The following TRIM2 variants were observed in gnomAD, a reference collection of about 807,000 sequenced individuals.
TRIM2 encodes the protein tripartite motif containing 2.
In TRIM2, 20 loss-of-function variants were observed where a neutral mutation model predicts 75.2. The observed-to-expected ratio is 0.27, with a 90% CI of 0.19 to 0.39. TRIM2 has a LOEUF of 0.39. TRIM2 is among the 10% of genes least tolerant of loss of function. TRIM2 has a pLI of 1.00. For missense variants in TRIM2, 660 were observed against 990.8 expected, an observed-to-expected ratio of 0.67 and a Z score of 4.48; for synonymous variants, 373 against 388.3, an observed-to-expected ratio of 0.96 and a Z score of 0.46.
chr4:153,317,535 G>T (rs1315027126), intron 8 of TRIM2, among the ~76,000 whole-genome samples: 1 of 151,866 alleles, frequency 6.6e-6, no homozygotes, highest in African/African-American at 2.4e-5. Context: ...TGTAGTCCCA[G>T]CTGCTGGGGA....
At chr4:153,253,531 C>A (rs774542071) in intron 1 of TRIM2, among the ~76,000 whole-genome samples, 1 of 152,204 alleles carries the variant, frequency 6.6e-6, no homozygotes, top group Non-Finnish European at 1.5e-5. Context: ...GGTGTTTGAA[C>A]CTGAGCAACT....
At chr4:153,196,748 C>T (rs1036943820) in intron 1 of TRIM2, among the ~76,000 whole-genome samples, 3 of 152,188 alleles carry the variant, frequency 2.0e-5, no homozygotes, top group Non-Finnish European at 2.9e-5. Flanking sequence ...GTGAGAAAGT[C>T]TTTGCATGGG....
intron 1 of TRIM2, among the ~76,000 whole-genome samples, chr4:153,181,858 T>C (rs902575607): frequency 2.6e-5 from 4 of 152,090 alleles, no homozygotes; most frequent in Non-Finnish European, 5.9e-5. Flanking sequence ...GGGGGCTGTG[T>C]GCCAGGGCGG....
At chr4:153,189,430 T>C (rs898841793) in intron 1 of TRIM2, among the ~76,000 whole-genome samples, 1 of 152,224 alleles carries the variant, frequency 6.6e-6, no homozygotes, top group African/African-American at 2.4e-5. Flanking sequence ...TCTGGGCTTG[T>C]TGATTAGGAA....
At chr4:153,279,964 G>A (rs921325101) in intron 3 of TRIM2, among the ~76,000 whole-genome samples, 1 of 151,556 alleles carries the variant, frequency 6.6e-6, no homozygotes, top group Non-Finnish European at 1.5e-5. Context: ...AAAAAAGCAG[G>A]GGGGGATAGT....
chr4:153,209,540 C>A (rs1736378608), intron 1 of TRIM2, among the ~76,000 whole-genome samples: 1 of 152,116 alleles, frequency 6.6e-6, no homozygotes, highest in South Asian at 2.1e-4. Flanking sequence ...TGTATTTGCC[C>A]ACTGTCCACC....
chr4:153,286,133 A>G (rs562030418), intron 3 of TRIM2, among the ~76,000 whole-genome samples: 1 of 152,346 alleles, frequency 6.6e-6, no homozygotes, highest in South Asian at 2.1e-4. Flanking sequence ...TATTACATAC[A>G]GTAATTTGTC....
At chr4:153,189,131 A>G (rs1037369159) in intron 1 of TRIM2, among the ~76,000 whole-genome samples, 4 of 152,216 alleles carry the variant, frequency 2.6e-5, no homozygotes, top group African/African-American at 4.8e-5. Context: ...AATCACAGGC[A>G]TGAGTCACCG....
chr4:153,172,645 G>A lies in TRIM2; in HGVS notation c.-49+19375G>A, dbSNP rs200995272. ...GTGTGCCCACCCTCTGCCCAATGCC[G>A]GAGATACAGTGGTATCCCAGTGCCC... is the stretch of plus-strand genomic sequence containing the variant. On this transcript the variant is annotated intron_variant, in intron 1 of 11. Coordinates refer to the TRIM2 transcript ENST00000437508. Among the ~76,000 whole-genome samples the A allele has an allele frequency of 4.2e-4, 64 of 152,270 alleles. No individual in the cohort carries two copies. In the East Asian group the frequency reaches 8.1e-3, roughly 19 times the overall value.
chr4:153,316,688 T>C (rs1767662245), intron 8 of TRIM2, among the ~76,000 whole-genome samples: 1 of 152,082 alleles, frequency 6.6e-6, no homozygotes, highest in Admixed American at 6.6e-5. Flanking sequence ...TTTTTGCAAA[T>C]AAAAATTTAA....
chr4:153,282,157 A>G (rs1759495222), intron 3 of TRIM2, among the ~76,000 whole-genome samples: 1 of 152,216 alleles, frequency 6.6e-6, no homozygotes, highest in African/African-American at 2.4e-5. Context: ...CCCAGGCCGC[A>G]CCAGCATCAT....
At chr4:153,193,127 C>CTT (rs141233060) in intron 1 of TRIM2, among the ~76,000 whole-genome samples, 8,030 of 106,588 alleles carry the variant, frequency 0.075, 745 homozygotes, top group African/African-American at 0.16. Flanking sequence ...AGTGAATAAT[C>CTT]TTTTTTTTTT....
intron 1 of TRIM2, among the ~76,000 whole-genome samples, chr4:153,228,791 G>A (rs1452299902): frequency 6.6e-6 from 1 of 152,236 alleles, no homozygotes; most frequent in Non-Finnish European, 1.5e-5. Flanking sequence ...TTTAGAGGAA[G>A]GATGAGCAGA....
intron 1 of TRIM2, among the ~76,000 whole-genome samples, chr4:153,241,045 C>G (rs1746429448): frequency 6.6e-6 from 1 of 152,200 alleles, no homozygotes. Flanking sequence ...CCACTGCACT[C>G]CAGCCTGAGT....
At chr4:153,256,228 G>GT (rs141949079) in intron 1 of TRIM2, among the ~76,000 whole-genome samples, 12,873 of 152,292 alleles carry the variant, frequency 0.085, 718 homozygotes, top group Middle Eastern at 0.13. Flanking sequence ...AAGTTGGCAT[G>GT]TATGTGCATT....
intron 1 of TRIM2, among the ~76,000 whole-genome samples, chr4:153,185,605 G>A (rs1732519980): frequency 6.6e-6 from 1 of 152,020 alleles, no homozygotes; most frequent in African/African-American, 2.4e-5. Context: ...AAAAGAGCCA[G>A]GTCTCACTGA....
intron 6 of TRIM2, among the ~76,000 whole-genome samples, chr4:153,312,590 T>C (rs369627799): frequency 6.6e-6 from 1 of 152,122 alleles, no homozygotes; most frequent in East Asian, 1.9e-4. Context: ...GAAATAGGAA[T>C]ACTTTTACAC....
rs1218961601 is a variant in TRIM2 at position 153,336,149 on chromosome 4, T to C, written c.*1183T>C. 1.8e-5 allele frequency: 18 copies of C among 984,840 alleles called. No homozygotes were observed. The highest frequency in any genetic ancestry group is 2.2e-5 in the Non-Finnish European group (18 of 829,482). The allele number at this position is 984,840 out of a possible 1,614,324, so 61.0% of individuals were successfully genotyped here. On this transcript the variant is annotated 3_prime_UTR_variant, in exon 12 of 12. Coordinates refer to ENST00000338700, the MANE Select transcript of TRIM2 (RefSeq NM_015271.5). ...ATATATATATACACACACACATATA[T>C]ATAGCTGAATCTTTGGTGTATTGAA...
chr4:153,235,262 T>C (rs1744716093), intron 1 of TRIM2, among the ~76,000 whole-genome samples: 1 of 151,974 alleles, frequency 6.6e-6, no homozygotes, highest in Admixed American at 6.6e-5. Flanking sequence ...TGGGAAAAGC[T>C]GTGCCTGCTT....
Sources: allele counts gnomAD v4.1 joint callset (sites outside exome capture counted in the v4.1 genomes callset), GRCh38; gene constraint gnomAD v4.1.1; transcripts MANE v1.5; gene names NCBI Gene and HGNC (gene_info 2026-07-23, HGNC 2026-07-21).